The following CDH4 variants were observed in gnomAD, a reference collection of about 807,000 sequenced individuals.
CDH4 encodes the protein cadherin-4.
A neutral mutation model predicts 86.0 loss-of-function variants in CDH4; 33 were observed. The ratio of observed to expected loss-of-function variants is 0.38; its 90% CI spans 0.29 to 0.51. The LOEUF is 0.51. Ranked by LOEUF, CDH4 falls within the 20% of genes least tolerant of loss-of-function variation. The pLI is 0.86. For missense variants in CDH4, 1,114 were observed against 1,307.4 expected, an observed-to-expected ratio of 0.85 and a Z score of 2.28; for synonymous variants, 555 against 549.4, an observed-to-expected ratio of 1.01 and a Z score of -0.14.
Position 61,516,561 on chromosome 20 carries a change from C to T in CDH4, c.170-227002C>T, listed in dbSNP as rs568473165. Among the ~76,000 whole-genome samples, 1 of 152,180 alleles carries T rather than the reference C, an allele frequency of 6.6e-6. No individual in the cohort carries two copies. Among genetic ancestry groups the T allele is most frequent in the Non-Finnish European group, 1.5e-5 (1 of 68,040 alleles). ...AACTACATCTGCCTCAGACCTGCCC[C>T]CCTGAGTCACAGCATCACAGAAAAC... is the stretch of plus-strand genomic sequence containing the variant. On this transcript the variant is annotated intron_variant, in intron 2 of 15. Coordinates refer to ENST00000614565, the MANE Select transcript of CDH4 (RefSeq NM_001794.5). The surrounding 1 kb of genome is among the most constrained non-coding windows in gnomAD (Gnocchi z 4.0).
chr20:61,801,648 G>A (rs6061360), intron 4 of CDH4, among the ~76,000 whole-genome samples: 46,582 of 151,948 alleles, frequency 0.31, 7,462 homozygotes, highest in African/African-American at 0.39. Flanking sequence ...CCTAGGGGAG[G>A]ACCCATCTCC....
chr20:61,532,781 T>C (rs2085965573), intron 2 of CDH4, among the ~76,000 whole-genome samples: 1 of 152,070 alleles, frequency 6.6e-6, no homozygotes, highest in Non-Finnish European at 1.5e-5. Flanking sequence ...GATCAGTAGG[T>C]ATGAAAGGCA....
At chr20:61,352,392 T>C (rs2084717962) in intron 2 of CDH4, among the ~76,000 whole-genome samples, 1 of 152,236 alleles carries the variant, frequency 6.6e-6, no homozygotes, top group South Asian at 2.1e-4. Flanking sequence ...TTGCCAGCAT[T>C]GTCCCTCATG....
chr20:61,845,370 G>A (rs368956734), intron 5 of CDH4, among the ~76,000 whole-genome samples: 12 of 152,198 alleles, frequency 7.9e-5, no homozygotes, highest in East Asian at 3.9e-4. Flanking sequence ...GGCTGTGCAC[G>A]GAAAGAAATG....
chr20:61,673,362 G>A (rs75259060), intron 2 of CDH4, among the ~76,000 whole-genome samples: 2,088 of 152,292 alleles, frequency 0.014, 41 homozygotes, highest in African/African-American at 0.047. Flanking sequence ...ACCTGCTTCC[G>A]GGGCAATCTT....
intron 2 of CDH4, among the ~76,000 whole-genome samples, chr20:61,371,637 G>T (rs114488967): frequency 6.6e-6 from 1 of 152,074 alleles, no homozygotes; most frequent in African/African-American, 2.4e-5. Flanking sequence ...TGCGGGCCCC[G>T]AGCCCCTACC....
At chr20:61,344,267 A>G (rs2084664938) in intron 2 of CDH4, among the ~76,000 whole-genome samples, 1 of 152,090 alleles carries the variant, frequency 6.6e-6, no homozygotes, top group South Asian at 2.1e-4. Flanking sequence ...TTCAGCTGTA[A>G]GGCTTTGCTT....
intron 2 of CDH4, among the ~76,000 whole-genome samples, chr20:61,595,888 C>T (rs180845587): frequency 2.0e-5 from 3 of 152,338 alleles, no homozygotes; most frequent in East Asian, 1.9e-4. Flanking sequence ...GATTCCCGCA[C>T]GGCTTCCCAT....
chr20:61,527,658 G>T (rs1176031685), intron 2 of CDH4, among the ~76,000 whole-genome samples: 1 of 152,194 alleles, frequency 6.6e-6, no homozygotes, highest in African/African-American at 2.4e-5. Flanking sequence ...GCCCCATGTG[G>T]TTTGCAAAGC....
chr20:61,523,810 C>A (rs1336495444), intron 2 of CDH4, among the ~76,000 whole-genome samples: 1 of 152,220 alleles, frequency 6.6e-6, no homozygotes, highest in Non-Finnish European at 1.5e-5. Context: ...GCCGGGGAGA[C>A]CCCTACCCTC....
chr20:61,843,003 G>T (rs777280985), intron 4 of CDH4, among the ~76,000 whole-genome samples: 2 of 152,066 alleles, frequency 1.3e-5, no homozygotes, highest in Non-Finnish European at 2.9e-5. Context: ...TGGTTATTTC[G>T]CAGTGTCATT....
At chr20:61,565,530 G>A (rs1444020308) in intron 2 of CDH4, among the ~76,000 whole-genome samples, 3 of 152,028 alleles carry the variant, frequency 2.0e-5, no homozygotes, top group Non-Finnish European at 4.4e-5. Flanking sequence ...TTCTTCCCTG[G>A]CATCTAGGTG....
At chr20:61,325,849 C>T (rs745739193) in intron 2 of CDH4, among the ~76,000 whole-genome samples, 8 of 152,214 alleles carry the variant, frequency 5.3e-5, no homozygotes, top group Admixed American at 3.3e-4. Flanking sequence ...GAAAACCCAA[C>T]ACCATGTGTG....
At chr20:61,323,698 T>C (rs1209807065) in intron 2 of CDH4, among the ~76,000 whole-genome samples, 1 of 152,034 alleles carries the variant, frequency 6.6e-6, no homozygotes, top group Non-Finnish European at 1.5e-5. Flanking sequence ...GGTTTCTAGG[T>C]TGGGGCCACA....
At chr20:61,454,146 T>A (rs1189057458) in intron 2 of CDH4, among the ~76,000 whole-genome samples, 1 of 152,194 alleles carries the variant, frequency 6.6e-6, no homozygotes. Context: ...CTGATGAAAT[T>A]CCGCAGCATG....
At chr20:61,379,629 C>G (rs561547170) in intron 2 of CDH4, among the ~76,000 whole-genome samples, 1 of 152,268 alleles carries the variant, frequency 6.6e-6, no homozygotes, top group East Asian at 1.9e-4. Context: ...TTTCTGAAAT[C>G]CACAAATGGA....
At chr20:61,397,832 C>T (rs6142819) in intron 2 of CDH4, among the ~76,000 whole-genome samples, 34,734 of 152,070 alleles carry the variant, frequency 0.23, 4,035 homozygotes, top group East Asian at 0.39. Context: ...AATAAGATTC[C>T]CATGTGCCCT....
chr20:61,346,527 T>C (rs1290940946), intron 2 of CDH4, among the ~76,000 whole-genome samples: 1 of 152,138 alleles, frequency 6.6e-6, no homozygotes, highest in Non-Finnish European at 1.5e-5. Flanking sequence ...GCGGATCACC[T>C]GAGGCCAGGA....
chr20:61,262,495 C>T (rs145056848), intron 2 of CDH4, among the ~76,000 whole-genome samples: 138 of 152,256 alleles, frequency 9.1e-4, no homozygotes, highest in African/African-American at 3.2e-3. Flanking sequence ...TCTGGGACTG[C>T]GTGGCGACTG....
Sources: allele counts gnomAD v4.1 joint callset (sites outside exome capture counted in the v4.1 genomes callset), GRCh38; gene constraint gnomAD v4.1.1; non-coding constraint Gnocchi (gnomAD v3.1); transcripts MANE v1.5; gene names NCBI Gene and HGNC (gene_info 2026-07-23, HGNC 2026-07-21).